LCMT1: variants seen among roughly 807,000 people sequenced by gnomAD.
The protein encoded by LCMT1 is leucine carboxyl methyltransferase 1.
A neutral mutation model predicts 47.7 loss-of-function variants in LCMT1; 32 were observed. The ratio of observed to expected loss-of-function variants is 0.67; its 90% CI spans 0.51 to 0.90. The LOEUF (loss-of-function observed/expected upper bound fraction) is 0.90, where lower values mean the gene tolerates loss of function less well. LCMT1 is among the 40% of genes least tolerant of loss of function. The pLI is 0.00. For missense variants in LCMT1, 375 were observed against 415.2 expected (o/e 0.90, Z 0.84); for synonymous variants, 152 against 149.7 (o/e 1.02, Z -0.11).
At chr16:25,149,910 C>CAAAAAAAAA (rs34229848) in intron 4 of LCMT1, among the ~76,000 whole-genome samples, 1 of 60,202 alleles carries the variant, frequency 1.7e-5, no homozygotes, top group Non-Finnish European at 3.3e-5. Flanking sequence ...AAGACTGTCT[C>CAAAAAAAAA]AAAAAAAAAA....
intron 1 of LCMT1, among the ~76,000 whole-genome samples, chr16:25,122,714 T>G (rs1369330536): frequency 6.6e-6 from 1 of 152,238 alleles, no homozygotes; most frequent in Non-Finnish European, 1.5e-5. Context: ...ATTTCAGGCG[T>G]AGTTATCCTG....
At chr16:25,147,665 GAA>G (rs1960907000) in intron 4 of LCMT1, 1 of 151,880 alleles carries the variant, frequency 6.6e-6, no homozygotes, top group Non-Finnish European at 1.5e-5. Flanking sequence ...TATTACAGAG[GAA>G]AATCAGTTTC....
intron 1 of LCMT1, among the ~76,000 whole-genome samples, chr16:25,127,941 C>T (rs1314333661): frequency 6.6e-6 from 1 of 152,280 alleles, no homozygotes; most frequent in South Asian, 2.1e-4. Context: ...TTGTTTTGTT[C>T]GTGCTTGCTT....
intron 7 of LCMT1, among the ~76,000 whole-genome samples, chr16:25,168,374 GT>G (rs1280539571): frequency 6.6e-6 from 1 of 152,142 alleles, no homozygotes; most frequent in African/African-American, 2.4e-5. Flanking sequence ...AAAAGCAATA[GT>G]GTATATACTA....
At chr16:25,168,164 T>C (rs1395709083) in intron 7 of LCMT1, among the ~76,000 whole-genome samples, 2 of 152,148 alleles carry the variant, frequency 1.3e-5, no homozygotes, top group Non-Finnish European at 2.9e-5. Flanking sequence ...TTCTCCCGCC[T>C]CAGCCTCCTG....
intron 10 of LCMT1, among the ~76,000 whole-genome samples, chr16:25,176,292 C>T (rs1033754910): frequency 2.6e-5 from 4 of 152,144 alleles, no homozygotes; most frequent in African/African-American, 9.7e-5. Flanking sequence ...CAGTTCCGGC[C>T]TTCAGTGGAA....
chr16:25,138,490 A>G (rs1960570573), intron 3 of LCMT1, among the ~76,000 whole-genome samples: 2 of 151,820 alleles, frequency 1.3e-5, no homozygotes, highest in African/African-American at 4.8e-5. Context: ...CAAGCAAGCC[A>G]GGTGACCCAG....
intron 9 of LCMT1, among the ~76,000 whole-genome samples, chr16:25,173,705 CT>C (rs1248645950): frequency 1.4e-5 from 2 of 145,104 alleles, no homozygotes; most frequent in Non-Finnish European, 1.5e-5. Flanking sequence ...TTGACAGAAA[CT>C]TTTTTTTTGT....
At chr16:25,133,662 G>T (rs1269552660) in intron 3 of LCMT1, among the ~76,000 whole-genome samples, 1 of 149,114 alleles carries the variant, frequency 6.7e-6, no homozygotes, top group Non-Finnish European at 1.5e-5. Context: ...CTCCCAAAGT[G>T]CTGGGATTAC....
chr16:25,158,618 G>T (rs911993132), intron 5 of LCMT1, among the ~76,000 whole-genome samples: 1 of 152,188 alleles, frequency 6.6e-6, no homozygotes, highest in Non-Finnish European at 1.5e-5. Context: ...CTGTTCTCAT[G>T]GCCTCTTGCC....
chr16:25,112,454 G>A (rs1273478908), intron 1 of LCMT1, among the ~76,000 whole-genome samples: 1 of 152,214 alleles, frequency 6.6e-6, no homozygotes, highest in African/African-American at 2.4e-5. Context: ...CCAGAGCCAA[G>A]TAATATCTCT....
chr16:25,126,653 G>T (rs138613774), intron 1 of LCMT1, among the ~76,000 whole-genome samples: 58 of 152,330 alleles, frequency 3.8e-4, no homozygotes, highest in African/African-American at 1.2e-3. Flanking sequence ...ATTGAACAGT[G>T]TAAAGAATCT....
intron 4 of LCMT1, chr16:25,149,060 T>A (rs1195188681): frequency 6.6e-6 from 1 of 151,922 alleles, no homozygotes. Flanking sequence ...GGTCAGCATA[T>A]CTAGTGGCTG....
At chr16:25,112,373 C>T (rs1321461184) in intron 1 of LCMT1, among the ~76,000 whole-genome samples, 3 of 152,128 alleles carry the variant, frequency 2.0e-5, no homozygotes, top group Non-Finnish European at 4.4e-5. Flanking sequence ...TTGTAGGTTG[C>T]ATTCTTTAGG....
chr16:25,127,128 C>T (rs1023515229), intron 1 of LCMT1, among the ~76,000 whole-genome samples: 6 of 152,148 alleles, frequency 3.9e-5, no homozygotes, highest in Admixed American at 6.5e-5. Flanking sequence ...CCTTGGGAAG[C>T]GGAGGTTGGA....
chr16:25,162,129 C>T (rs776207323), intron 6 of LCMT1, among the ~76,000 whole-genome samples: 1 of 152,102 alleles, frequency 6.6e-6, no homozygotes, highest in Non-Finnish European at 1.5e-5. Flanking sequence ...GTGGGTGTCT[C>T]CTTGAGAAGA....
At chr16:25,131,444 A>C (rs963210721) in intron 2 of LCMT1, among the ~76,000 whole-genome samples, 1 of 152,240 alleles carries the variant, frequency 6.6e-6, no homozygotes, top group African/African-American at 2.4e-5. Flanking sequence ...CGCGGATGAT[A>C]TCTCTGTAAA....
At chr16:25,123,693 T>A (rs1050500966) in intron 1 of LCMT1, among the ~76,000 whole-genome samples, 1 of 143,024 alleles carries the variant, frequency 7.0e-6, no homozygotes, top group Non-Finnish European at 1.5e-5. Context: ...CCACAACCTC[T>A]GCCTCCTGGG....
At chr16:25,167,284 C>T (rs77020394) in intron 7 of LCMT1, among the ~76,000 whole-genome samples, 1,950 of 152,190 alleles carry the variant, frequency 0.013, 12 homozygotes, top group Middle Eastern at 0.031. Flanking sequence ...ATTAATTGCT[C>T]ACATGCTTTA....
Sources: gnomAD v4.1 joint callset for allele counts (sites outside exome capture counted in the v4.1 genomes callset) on GRCh38, gnomAD v4.1.1 for gene constraint, MANE v1.5 for transcripts, NCBI Gene and HGNC (gene_info 2026-07-23, HGNC 2026-07-21) for gene names.